Variants in COX6A1 observed in about 807,000 individuals in gnomAD.
COX6A1 encodes cytochrome c oxidase subunit 6A1, mitochondrial.
Under a neutral mutation model 11.3 loss-of-function variants are expected in COX6A1, and 10 were observed. The observed-to-expected ratio is 0.88, with a 90% CI of 0.54 to 1.50. COX6A1 has a LOEUF of 1.50. COX6A1 is among the 40% of genes most tolerant of loss of function. The pLI is 0.00. For missense variants in COX6A1, 149 were observed against 147.6 expected (o/e 1.01, Z -0.05); for synonymous variants, 81 against 60.6 (o/e 1.34, Z -1.57).
chr12:120,440,105 C>T (rs1877687484), intron 2 of COX6A1: 1 of 165,050 alleles, frequency 6.1e-6, no homozygotes, highest in Non-Finnish European at 1.3e-5. Context: ...CCTAATACTG[C>T]CACCATTTTG....
intron 2 of COX6A1, among the ~76,000 whole-genome samples, chr12:120,439,264 C>G (rs1877655790): frequency 6.6e-6 from 1 of 152,198 alleles, no homozygotes; most frequent in South Asian, 2.1e-4. Context: ...CGGTGGCTCA[C>G]GCCTGTAATC....
Position 120,438,184 on chromosome 12 carries a change from C to G in COX6A1, c.58C>G (p.Leu20Val), listed in dbSNP as rs1263270084. 1.9e-6 allele frequency: 3 copies of G among 1,613,940 alleles called. No individual in the cohort carries two copies. Among genetic ancestry groups the G allele is most frequent in the Non-Finnish European group, 2.5e-6 (3 of 1,179,972 alleles). Residue 20 changes from leucine (L) to valine (V), a missense_variant, in exon 1 of 3, where the codon CTG becomes GTG. Leu to Val is a conservative substitution (Grantham distance 32). Transcript: ENST00000229379. The stretch of plus-strand genomic sequence containing the variant: ...GCTGCTGGGTCGGTCCCGCCCACAG[C>G]TGGGGCGGCCTATGTCGAGTGGCGC... ...SRLLGRSRPQLGRPMSSGAHG... is the reference protein window; with the variant it reads ...SRLLGRSRPQVGRPMSSGAHG...
chr12:120,438,477 A>G lies in COX6A1; in HGVS notation c.202A>G (p.Arg68Gly). The change falls in exon 2 of 3, where the codon AGA becomes GGA. Residue 68 changes from arginine (R) to glycine (G), a missense_variant. By Grantham distance (125) the Arg-to-Gly change is moderately radical. Transcript: ENST00000229379. ...GAAGTCGCACCACGGAGAGCACGAG[A>G]GACCCGAGTTCATCGCCTACCCCCA... is the stretch of plus-strand genomic sequence containing the variant. ...YLKSHHGEHE[R>G]PEFIAYPHLR... The G allele has an allele frequency of 6.2e-7, 1 of 1,614,120 alleles. No homozygotes were observed.
rs1387045478 is a variant in COX6A1, at chr12:120,438,407, C to T, written c.132C>T (p.Phe44=). 1.7e-5 allele frequency: 28 copies of T among 1,614,216 alleles called. No homozygotes were observed. Among genetic ancestry groups the T allele is most frequent in the Non-Finnish European group, 2.2e-5 (26 of 1,180,046 alleles). The change falls in exon 2 of 3, where the codon TTC becomes TTT. Residue 44 remains phenylalanine (F), a synonymous_variant. Transcript: ENST00000229379. ...SARMWKTLTF[F]VALPGVAVSM... ...GCATGTGGAAGACTCTCACCTTCTT[C>T]GTCGCGCTCCCCGGGGTGGCAGTCA...
chr12:120,440,365 T>G, intron 2 of COX6A1, 89 bp from the exon 3 acceptor site: 1 of 978,100 alleles, frequency 1.0e-6, no homozygotes. Context: ...TTTTTATATA[T>G]GATCTGTCAC....
At chr12:120,439,630 C>T (rs1226686892) in intron 2 of COX6A1, among the ~76,000 whole-genome samples, 3 of 152,036 alleles carry the variant, frequency 2.0e-5, no homozygotes, top group Non-Finnish European at 2.9e-5. Context: ...TCACCTAGCC[C>T]ATATAGGACT....
rs556029536 is a variant in COX6A1 at position 120,438,216 on chromosome 12, C to T, written c.90C>T (p.Gly30=). Reference sequence around the variant, plus strand: ...GGCCTATGTCGAGTGGCGCCCATGGCGAAGAGGGCTCAGGTACTGGGGCCG... The same window carrying T: ...GGCCTATGTCGAGTGGCGCCCATGGTGAAGAGGGCTCAGGTACTGGGGCCG... ...LGRPMSSGAH[G]EEGSARMWKT... Residue 30 remains glycine, a synonymous_variant, in exon 1 of 3, where the codon GGC becomes GGT. Coordinates refer to ENST00000229379, the MANE Select transcript of COX6A1 (RefSeq NM_004373.4). 6.2e-7 allele frequency: 1 copy of T among 1,613,748 alleles called. No homozygotes were observed. Among genetic ancestry groups the T allele is most frequent in the East Asian group, 2.2e-5 (1 of 44,878 alleles).
At position 120,438,249 on chromosome 12, in the gene COX6A1, C is replaced by G; in HGVS notation, c.103+20C>G. 6.2e-7 allele frequency: 1 copy of G among 1,612,026 alleles called. No homozygotes were observed. The highest frequency in any genetic ancestry group is 8.5e-7 in the Non-Finnish European group (1 of 1,179,098). On this transcript the variant is annotated intron_variant, in intron 1 of 2. Coordinates refer to ENST00000229379, the MANE Select transcript of COX6A1 (RefSeq NM_004373.4). Reference sequence around the variant, plus strand: ...GCTCAGGTACTGGGGCCGGGGTCGACGGGTCGAGCCTCAGCCCCACTCGGG... The same window carrying G: ...GCTCAGGTACTGGGGCCGGGGTCGAGGGGTCGAGCCTCAGCCCCACTCGGG...
intron 2 of COX6A1, among the ~76,000 whole-genome samples, chr12:120,439,455 C>G (rs1013809732): frequency 3.9e-5 from 6 of 151,936 alleles, no homozygotes; most frequent in Admixed American, 2.0e-4. Flanking sequence ...GAGGTTGAAC[C>G]CAGGAGGAGG....
intron 2 of COX6A1, 23 bp downstream of exon 2, chr12:120,438,544 A>C (rs1220443164): frequency 6.2e-7 from 1 of 1,614,048 alleles, no homozygotes; most frequent in Non-Finnish European, 8.5e-7. Context: ...ACATCTCTTC[A>C]AGCGTCCGTT....
At chr12:120,440,254 A>C (rs1271718178) in intron 2 of COX6A1, 200 bp from the exon 3 acceptor site, 1 of 499,432 alleles carries the variant, frequency 2.0e-6, no homozygotes, top group Non-Finnish European at 3.6e-6. Flanking sequence ...ACTGTCCTGT[A>C]GCCAGGATAA....
At position 120,438,373 on chromosome 12, in the gene COX6A1, C is replaced by T. The variant is rs182601249; in HGVS notation, c.104-6C>T. On this transcript the variant is annotated splice_polypyrimidine_tract_variant and splice_region_variant and intron_variant, in intron 1 of 2. Coordinates refer to ENST00000229379, the MANE Select transcript of COX6A1 (RefSeq NM_004373.4). Reference sequence around the variant, plus strand: ...CCGGCGCTGAACGTTTGTGGCTTCTCCGCAGCTCGCATGTGGAAGACTCTC... The same window carrying T: ...CCGGCGCTGAACGTTTGTGGCTTCTTCGCAGCTCGCATGTGGAAGACTCTC... 141 of 1,614,186 alleles carry T rather than the reference C, an allele frequency of 8.7e-5. No individual in the cohort carries two copies. In the African/African-American group the frequency reaches 1.7e-3, roughly 20 times the overall value.
At position 120,438,528 on chromosome 12, in the gene COX6A1, C is replaced by A. The variant is rs754226780; in HGVS notation, c.246+7C>A. The A allele has an allele frequency of 1.2e-6, 2 of 1,614,164 alleles. No individual in the cohort carries two copies. Among genetic ancestry groups the A allele is most frequent in the South Asian group, 1.1e-5 (1 of 91,084 alleles). ...TCTCCGCATCAGGACCAAGGTACGCCCTTGTACATCTCTTCAAGCGTCCGT... is the reference window on the plus strand; with the variant it reads ...TCTCCGCATCAGGACCAAGGTACGCACTTGTACATCTCTTCAAGCGTCCGT... On this transcript the variant is annotated splice_region_variant and intron_variant, in intron 2 of 2. Transcript: ENST00000229379.
rs1877694847 is a variant in COX6A1, at chr12:120,440,448, C to A, written c.247-6C>A. The A allele has an allele frequency of 9.9e-6, 16 of 1,610,726 alleles. No individual in the cohort carries two copies. The highest frequency in any genetic ancestry group is 1.3e-5 in the Non-Finnish European group (15 of 1,176,980). ...GAATTATCTAACTGACATCTTCACT[C>A]CACAGCCGTTTCCCTGGGGAGATGG... On this transcript the variant is annotated splice_polypyrimidine_tract_variant and splice_region_variant and intron_variant, in intron 2 of 2. Transcript: ENST00000229379.
chr12:120,438,730 G>A, intron 2 of COX6A1: 1 of 533,204 alleles, frequency 1.9e-6, no homozygotes, highest in Non-Finnish European at 3.3e-6. Context: ...CATACAATAA[G>A]TGCTCTTCAG....
chr12:120,438,651 G>A, intron 2 of COX6A1, 130 bp downstream of exon 2: 7 of 1,305,140 alleles, frequency 5.4e-6, no homozygotes, highest in South Asian at 1.2e-5. Context: ...AACAGAAAAT[G>A]TATTTTCTTC....
chr12:120,440,612 A>C lies in COX6A1; in HGVS notation c.*75A>C. 1 of 1,120,968 alleles carries C rather than the reference A, an allele frequency of 8.9e-7. No homozygotes were observed. Among genetic ancestry groups the C allele is most frequent in the East Asian group, 2.4e-5 (1 of 42,222 alleles). The allele number at this position is 1,120,968 out of a possible 1,614,324, so 69.4% of individuals were successfully genotyped here. On this transcript the variant is annotated 3_prime_UTR_variant, in exon 3 of 3. Transcript: ENST00000229379. ...GACCGTTACTCTGCACATGGACCAG[A>C]AAAAGTATATGGGACCTTAAGCTCA...
chr12:120,438,161 T>G lies in COX6A1; in HGVS notation c.35T>G (p.Leu12Arg). The change falls in exon 1 of 3, where the codon CTG (leucine) becomes CGG (arginine). Residue 12 changes from leucine to arginine, a missense_variant. Transcript: ENST00000229379. ...GTTGGTGTGTCCTCGGTTTCTCGGC[T>G]GCTGGGTCGGTCCCGCCCACAGCTG... is the stretch of plus-strand genomic sequence containing the variant. Reference protein sequence around the residue: ...AVVGVSSVSRLLGRSRPQLGR... With the variant: ...AVVGVSSVSRRLGRSRPQLGR... The G allele has an allele frequency of 6.2e-7, 1 of 1,613,874 alleles. No individual in the cohort carries two copies. The highest frequency in any genetic ancestry group is 8.5e-7 in the Non-Finnish European group (1 of 1,179,952).
chr12:120,440,238 A>G (rs1592977682), intron 2 of COX6A1: 2 of 452,784 alleles, frequency 4.4e-6, no homozygotes. Context: ...TGTTTCTGGA[A>G]TTAAAACTGT....
Sources: gnomAD v4.1 joint callset for allele counts (sites outside exome capture counted in the v4.1 genomes callset) on GRCh38, gnomAD v4.1.1 for gene constraint, MANE v1.5 for transcripts, NCBI Gene and HGNC (gene_info 2026-07-23, HGNC 2026-07-21) for gene names.